The following GAS7 variants were observed in gnomAD, a reference collection of about 807,000 sequenced individuals.
GAS7 encodes growth arrest specific 7, also known as growth arrest-specific protein 7.
In GAS7, 28 loss-of-function variants were observed where a neutral mutation model predicts 71.1. The ratio of observed to expected loss-of-function variants is 0.39; its 90% CI spans 0.29 to 0.54. The LOEUF (loss-of-function observed/expected upper bound fraction) is 0.54. GAS7 is among the 20% of genes least tolerant of loss of function. The pLI, the probability that GAS7 is intolerant of heterozygous loss-of-function variation, is 0.62. For synonymous variants in GAS7, 258 were observed against 245.8 expected (o/e 1.05, Z -0.46); for missense variants, 436 against 627.8 (o/e 0.69, Z 3.27).
At position 9,949,412 on chromosome 17, in the gene GAS7, T is replaced by G. The variant is rs1056825623; in HGVS notation, c.526-2429A>C. On this transcript the variant is annotated intron_variant, in intron 5 of 13. Transcript: ENST00000432992. ...AATAATAATAAACACAATAACACCA[T>G]GTAGGCCCAACAAACTCTTCTGTCA... is the stretch of plus-strand genomic sequence containing the variant. Among the ~76,000 whole-genome samples, 3 of 152,190 alleles carry G rather than the reference T, an allele frequency of 2.0e-5. No individual in the cohort carries two copies. In the East Asian group the frequency reaches 5.8e-4, roughly 29 times the overall value.
At chr17:10,163,475 G>A (rs960570730) in intron 1 of GAS7, among the ~76,000 whole-genome samples, 1 of 151,738 alleles carries the variant, frequency 6.6e-6, no homozygotes, top group African/African-American at 2.4e-5. Context: ...ACATAGATTG[G>A]AATAAGATTT....
At chr17:10,074,672 G>A (rs1281783047) in intron 1 of GAS7, among the ~76,000 whole-genome samples, 1 of 152,150 alleles carries the variant, frequency 6.6e-6, no homozygotes, top group Non-Finnish European at 1.5e-5. Context: ...TTAAAAAACT[G>A]TACCTGTCGG....
intron 1 of GAS7, among the ~76,000 whole-genome samples, chr17:10,174,683 C>T (rs1337030932): frequency 6.6e-6 from 1 of 151,662 alleles, no homozygotes; most frequent in African/African-American, 2.4e-5. Flanking sequence ...CAGAGCGAGA[C>T]TCCGTATCAA....
intron 1 of GAS7, among the ~76,000 whole-genome samples, chr17:10,178,021 G>A (rs951275899): frequency 2.6e-5 from 4 of 152,014 alleles, no homozygotes; most frequent in African/African-American, 9.7e-5. Context: ...TCAGCATTTA[G>A]CATCACATAA....
intron 1 of GAS7, among the ~76,000 whole-genome samples, chr17:10,157,464 TTG>T (rs1331828861): frequency 6.6e-6 from 1 of 152,208 alleles, no homozygotes; most frequent in Non-Finnish European, 1.5e-5. Context: ...GCTAATGATT[TTG>T]TGTTATCCTG....
intron 1 of GAS7, among the ~76,000 whole-genome samples, chr17:10,099,507 C>T (rs115088011): frequency 0.023 from 3,563 of 152,318 alleles, 131 homozygotes; most frequent in African/African-American, 0.08. Context: ...GGGCACCCTG[C>T]ACTGGGGGTG....
chr17:10,064,721 T>A (rs1020743415), intron 1 of GAS7, among the ~76,000 whole-genome samples: 1 of 150,956 alleles, frequency 6.6e-6, no homozygotes, highest in Non-Finnish European at 1.5e-5. Flanking sequence ...AGACAGGGAA[T>A]CAGAGATAGA....
At chr17:10,113,952 T>C (rs1346857469) in intron 1 of GAS7, among the ~76,000 whole-genome samples, 1 of 152,204 alleles carries the variant, frequency 6.6e-6, no homozygotes, top group Non-Finnish European at 1.5e-5. Context: ...TCTTGCTATC[T>C]TGCCCAGGCT....
At chr17:9,952,355 C>T (rs921907003) in intron 5 of GAS7, among the ~76,000 whole-genome samples, 9 of 152,202 alleles carry the variant, frequency 5.9e-5, no homozygotes, top group Non-Finnish European at 1.0e-4. Flanking sequence ...CTCTTAAGAT[C>T]CTACATGGCA....
At chr17:9,943,081 T>G in intron 7 of GAS7, 40 bp downstream of exon 7, 1 of 1,336,400 alleles carries the variant, frequency 7.5e-7, no homozygotes, top group South Asian at 1.2e-5. Context: ...CGGGGAACAC[T>G]GGTGCCAGGC....
At position 10,130,816 on chromosome 17, in the gene GAS7, T is replaced by C. The variant is rs576577784; in HGVS notation, c.183+67392A>G. ...CCCAGAATAGGCAAATCTATACAGA[T>C]GGAAATAGATAAGTGGCCGCCTAAG... is the stretch of plus-strand genomic sequence containing the variant. On this transcript the variant is annotated intron_variant, in intron 1 of 13. Transcript: ENST00000432992. Among the ~76,000 whole-genome samples, 16 of 152,270 alleles carry C rather than the reference T, an allele frequency of 1.1e-4. No homozygotes were observed. The South Asian group carries it at 2.3e-3, about 22-fold the overall frequency.
intron 1 of GAS7, among the ~76,000 whole-genome samples, chr17:10,189,809 G>A (rs57790272): frequency 0.43 from 64,549 of 151,690 alleles, 14,281 homozygotes; most frequent in African/African-American, 0.54. Context: ...TGTGGTGGCG[G>A]GTGCCTATAG....
In GAS7 at chr17:9,917,222, G is replaced by A; in HGVS notation, c.*6C>T. ...AGCAGGACCCCCCGAAGCTGCACAG[G>A]CCCATCTAGATCTCCATGTCCACAG... is the stretch of plus-strand genomic sequence containing the variant. On this transcript the variant is annotated 3_prime_UTR_variant, in exon 14 of 14. Transcript: ENST00000432992. The A allele has an allele frequency of 6.5e-7, 1 of 1,530,398 alleles. No individual in the cohort carries two copies. The highest frequency in any genetic ancestry group is 1.1e-5 in the South Asian group (1 of 89,404). 94.8% of individuals were successfully genotyped at this position (1,530,398 alleles called of 1,614,324 possible).
At chr17:10,131,405 T>C (rs1297171105) in intron 1 of GAS7, among the ~76,000 whole-genome samples, 1 of 152,166 alleles carries the variant, frequency 6.6e-6, no homozygotes, top group Admixed American at 6.5e-5. Flanking sequence ...GGCAGATCAC[T>C]TAAAGTCAGG....
At chr17:10,014,647 C>A (rs576381462) in intron 2 of GAS7, among the ~76,000 whole-genome samples, 1 of 152,224 alleles carries the variant, frequency 6.6e-6, no homozygotes, top group African/African-American at 2.4e-5. Context: ...TGGTTAATAC[C>A]CAGATCAAGC....
At chr17:10,159,639 A>G (rs1376911089) in intron 1 of GAS7, among the ~76,000 whole-genome samples, 2 of 152,228 alleles carry the variant, frequency 1.3e-5, no homozygotes, top group Non-Finnish European at 2.9e-5. Flanking sequence ...TCTAGAAGTC[A>G]AGATCGGGGT....
chr17:10,044,403 A>G (rs932631190), intron 1 of GAS7, among the ~76,000 whole-genome samples: 3 of 152,188 alleles, frequency 2.0e-5, no homozygotes, highest in South Asian at 4.1e-4. Flanking sequence ...GGCTAGTTTT[A>G]TGCAGTTATG....
intron 1 of GAS7, among the ~76,000 whole-genome samples, chr17:10,176,920 T>TC (rs1195838133): frequency 6.6e-6 from 1 of 152,202 alleles, no homozygotes; most frequent in Non-Finnish European, 1.5e-5. Flanking sequence ...AGGCAAGCTC[T>TC]CCCTTTATCC....
intron 8 of GAS7, among the ~76,000 whole-genome samples, chr17:9,937,891 T>A (rs935726035): frequency 2.0e-5 from 3 of 152,164 alleles, no homozygotes; most frequent in African/African-American, 4.8e-5. Context: ...TCTAACCTCC[T>A]GAGAGTCTTT....
Sources: allele counts gnomAD v4.1 joint callset (sites outside exome capture counted in the v4.1 genomes callset), GRCh38; gene constraint gnomAD v4.1.1; transcripts MANE v1.5; gene names NCBI Gene and HGNC (gene_info 2026-07-23, HGNC 2026-07-21).